The following ENPP1 variants were observed in gnomAD, a reference collection of about 807,000 sequenced individuals.
The protein encoded by ENPP1 is ectonucleotide pyrophosphatase/phosphodiesterase family member 1.
A neutral mutation model predicts 122.8 loss-of-function variants in ENPP1; 73 were observed. The observed-to-expected ratio is 0.59, with a 90% CI of 0.49 to 0.72. The LOEUF (loss-of-function observed/expected upper bound fraction) is 0.72, where lower values mean the gene tolerates loss of function less well. Ranked by LOEUF, ENPP1 falls within the 30% of genes least tolerant of loss-of-function variation. The pLI is 0.00. For synonymous variants in ENPP1, 367 were observed against 391.6 expected (o/e 0.94, Z 0.74); for missense variants, 978 against 1,128.1 (o/e 0.87, Z 1.91).
At position 131,872,067 on chromosome 6, in the gene ENPP1, C is replaced by A; in HGVS notation, c.1406-3C>A. 6.3e-7 allele frequency: 1 copy of A among 1,579,272 alleles called. No individual in the cohort carries two copies. The highest frequency in any genetic ancestry group is 8.7e-7 in the Non-Finnish European group (1 of 1,151,358). On this transcript the variant is annotated splice_polypyrimidine_tract_variant and splice_region_variant and intron_variant, in intron 13 of 24. Transcript: ENST00000647893. Reference sequence around the variant, plus strand: ...ATTAATTCTTATGTTTGTTCCCCTCCAGTTAACTATGAAGGCATTGCCCGA... The same window carrying A: ...ATTAATTCTTATGTTTGTTCCCCTCAAGTTAACTATGAAGGCATTGCCCGA...
intron 24 of ENPP1, 32 bp downstream of exon 24, chr6:131,886,756 T>C (rs1353183509): frequency 4.4e-6 from 7 of 1,599,518 alleles, no homozygotes; most frequent in Non-Finnish European, 6.0e-6. Context: ...ACTTTGCATG[T>C]TGAAAATCTA....
In ENPP1 at chr6:131,851,573, C is replaced by T. The variant is rs182396254; in HGVS notation, c.556+306C>T. 2,882 of 394,602 alleles carry T rather than the reference C, an allele frequency of 7.3e-3. 28 individuals are homozygous for T. The highest frequency in any genetic ancestry group is 1.0e-2 in the Non-Finnish European group (2,089 of 209,508). 24.4% of individuals were successfully genotyped at this position (394,602 alleles called of 1,614,324 possible). ...CCCTCTCATGTTATTTTGATAATAG[C>T]AGCACACTTGATGTTGTATTTGTGG... On this transcript the variant is annotated intron_variant, in intron 4 of 24. Transcript: ENST00000647893.
Position 131,868,091 on chromosome 6 carries a change from A to G in ENPP1, c.1238A>G (p.His413Arg). The change falls in exon 12 of 25, where the codon CAC becomes CGC. Residue 413 changes from histidine to arginine, a missense_variant. His to Arg is a conservative substitution (Grantham distance 29). Around this residue, in one of 3 missense-constraint regions of ENPP1, gnomAD observed 644 missense variants for 781.5 expected, o/e 0.82. Transcript: ENST00000647893. ...GATGGTCTGAAAGAGCTGAACTTGCACAGATGCCTGAACCTCATCCTTATT... is the reference window on the plus strand; with the variant it reads ...GATGGTCTGAAAGAGCTGAACTTGCGCAGATGCCTGAACCTCATCCTTATT... The part of the protein sequence containing the change: ...LMDGLKELNL[H>R]RCLNLILISD... 6.2e-7 allele frequency: 1 copy of G among 1,613,436 alleles called. No individual in the cohort carries two copies. The highest frequency in any genetic ancestry group is 8.5e-7 in the Non-Finnish European group (1 of 1,179,484).
intron 22 of ENPP1, among the ~76,000 whole-genome samples, chr6:131,884,216 A>C (rs981383679): frequency 2.0e-5 from 3 of 152,242 alleles, no homozygotes; most frequent in Non-Finnish European, 4.4e-5. Context: ...TCAAAATATA[A>C]GCATATAAGG....
intron 13 of ENPP1, among the ~76,000 whole-genome samples, chr6:131,870,860 T>C (rs1252008930): frequency 2.6e-5 from 4 of 152,078 alleles, no homozygotes; most frequent in African/African-American, 9.7e-5. Flanking sequence ...GGGCGGATCA[T>C]AAGGTTAAGA....
rs570139295 is a variant in ENPP1 at position 131,856,133 on chromosome 6, G to A, written c.715+1110G>A. The stretch of plus-strand genomic sequence containing the variant: ...ACATGGAAGAAGATAGTTTTGTTTT[G>A]TTTTAATGTTTTGCATAAAAAGTCT... On this transcript the variant is annotated intron_variant, in intron 6 of 24. Transcript: ENST00000647893. 3.3e-4 allele frequency among the ~76,000 whole-genome samples: 50 copies of A among 152,180 alleles called. 1 individual carries two copies. In the South Asian group the frequency reaches 0.01, roughly 31 times the overall value.
chr6:131,877,867 ATATATATAT>A (rs1248776910), intron 18 of ENPP1: 29 of 30,658 alleles, frequency 9.5e-4, no homozygotes, highest in South Asian at 5.4e-3. Context: ...AAAAAAAAAA[ATATATATAT>A]ATATATATAT....
intron 9 of ENPP1, among the ~76,000 whole-genome samples, chr6:131,863,779 G>A (rs1315671512): frequency 6.6e-6 from 1 of 151,822 alleles, no homozygotes; most frequent in Non-Finnish European, 1.5e-5. Context: ...TGCCAGGCGT[G>A]GTGGTGCACG....
At chr6:131,848,830 A>AC (rs1161848894) in intron 2 of ENPP1, among the ~76,000 whole-genome samples, 1 of 152,006 alleles carries the variant, frequency 6.6e-6, no homozygotes, top group Non-Finnish European at 1.5e-5. Context: ...GACTTCCCTG[A>AC]CCCCCACTCC....
intron 13 of ENPP1, among the ~76,000 whole-genome samples, chr6:131,869,855 A>T (rs1489567712): frequency 8.5e-5 from 6 of 70,416 alleles, no homozygotes; most frequent in African/African-American, 6.6e-4. Context: ...GACTTGGTCT[A>T]AAAAAAAAAA....
intron 1 of ENPP1, among the ~76,000 whole-genome samples, chr6:131,824,273 G>A (rs1489966131): frequency 6.6e-6 from 1 of 151,894 alleles, no homozygotes; most frequent in Non-Finnish European, 1.5e-5. Context: ...TGACAGGCGA[G>A]CAGAAGAGGA....
At position 131,832,202 on chromosome 6, in the gene ENPP1, A is replaced by G. The variant is rs561478325; in HGVS notation, c.241-15574A>G. On this transcript the variant is annotated intron_variant, in intron 1 of 24. Coordinates refer to ENST00000647893, the MANE Select transcript of ENPP1 (RefSeq NM_006208.3). ...TTTTTTTTTCCTTACAGATTTCTTA[A>G]TATTATATAACCATAAAACTAGTGT... is the stretch of plus-strand genomic sequence containing the variant. 5.9e-5 allele frequency among the ~76,000 whole-genome samples: 9 copies of G among 151,738 alleles called. No homozygotes were observed. The East Asian group carries it at 1.6e-3, about 26-fold the overall frequency.
intron 1 of ENPP1, among the ~76,000 whole-genome samples, chr6:131,841,858 C>T (rs1031312164): frequency 2.6e-5 from 4 of 152,168 alleles, no homozygotes; most frequent in Admixed American, 2.6e-4. Flanking sequence ...TCCAAGACCT[C>T]ATTTCCCACC....
chr6:131,810,448 G>GCCC (rs397886010), intron 1 of ENPP1, among the ~76,000 whole-genome samples: 72 of 52,748 alleles, frequency 1.4e-3, no homozygotes, highest in Middle Eastern at 0.014. Context: ...CCCCAACCCC[G>GCCC]CCCCCCCCCC....
Position 131,886,744 on chromosome 6 carries a change from T to A in ENPP1, c.2607+20T>A. 1 of 1,605,768 alleles carries A rather than the reference T, an allele frequency of 6.2e-7. No individual in the cohort carries two copies. Among genetic ancestry groups the A allele is most frequent in the Non-Finnish European group, 8.5e-7 (1 of 1,175,410 alleles). On this transcript the variant is annotated intron_variant, in intron 24 of 24. Coordinates refer to ENST00000647893, the MANE Select transcript of ENPP1 (RefSeq NM_006208.3). ...TGTGTGGTAAGTAGCTTTTGTATAT[T>A]TACTTTGCATGTTGAAAATCTAGAC...
In ENPP1 at chr6:131,833,718, C is replaced by T. The variant is rs193062758; in HGVS notation, c.241-14058C>T. Among the ~76,000 whole-genome samples, 7 of 152,204 alleles carry T rather than the reference C, an allele frequency of 4.6e-5. No homozygotes were observed. The East Asian group carries it at 1.2e-3, about 25-fold the overall frequency. ...CTAAGCACTTCAAGATCTTTTTTCT[C>T]AATAGATTGCTTTTCTTAAGATGCT... On this transcript the variant is annotated intron_variant, in intron 1 of 24. Coordinates refer to ENST00000647893, the MANE Select transcript of ENPP1 (RefSeq NM_006208.3).
chr6:131,854,729 G>A (rs914195922), intron 5 of ENPP1, among the ~76,000 whole-genome samples, 197 bp from the exon 6 acceptor site: 1 of 152,092 alleles, frequency 6.6e-6, no homozygotes, highest in African/African-American at 2.4e-5. Flanking sequence ...AAATGATAGA[G>A]CTTGTATATA....
At position 131,836,415 on chromosome 6, in the gene ENPP1, AGTGT is replaced by A. The variant is rs71809355; in HGVS notation, c.241-11342_241-11339del. ...ATGTGTGAGTCACCACACCCAGCCG[AGTGT>A]GTGTGTGTGTGTGTGTGTTTTAATG... On this transcript the variant is annotated intron_variant, in intron 1 of 24. Coordinates refer to ENST00000647893, the MANE Select transcript of ENPP1 (RefSeq NM_006208.3). 8.2e-3 allele frequency among the ~76,000 whole-genome samples: 1,240 copies of A among 150,590 alleles called. 12 individuals are homozygous for A. Among genetic ancestry groups the A allele is most frequent in the African/African-American group, 0.028 (1,133 of 41,010 alleles).
intron 1 of ENPP1, among the ~76,000 whole-genome samples, chr6:131,835,445 G>A (rs2114675357): frequency 6.6e-6 from 1 of 152,166 alleles, no homozygotes; most frequent in South Asian, 2.1e-4. Flanking sequence ...TCTTTTTCTG[G>A]ATTACTAATT....
Sources: gnomAD v4.1 joint callset for allele counts (sites outside exome capture counted in the v4.1 genomes callset) on GRCh38, gnomAD v4.1.1 for gene constraint, gnomAD v4.1.1 regional missense constraint, MANE v1.5 for transcripts, NCBI Gene and HGNC (gene_info 2026-07-23, HGNC 2026-07-21) for gene names.